The following PCDH9 variants were observed in gnomAD, a reference collection of about 807,000 sequenced individuals.
The protein encoded by PCDH9 is protocadherin-9.
Under a neutral mutation model 70.6 loss-of-function variants are expected in PCDH9, and 24 were observed. The ratio of observed to expected loss-of-function variants is 0.34; its 90% CI spans 0.25 to 0.48. PCDH9 has a LOEUF of 0.48. Ranked by LOEUF, PCDH9 falls within the 20% of genes least tolerant of loss-of-function variation. The pLI is 0.99. For synonymous variants in PCDH9, 562 were observed against 558.5 expected, an observed-to-expected ratio of 1.01 and a Z score of -0.09; for missense variants, 1,281 against 1,503.6, an observed-to-expected ratio of 0.85 and a Z score of 2.45.
At chr13:66,395,261 A>G (rs1957082775) in intron 4 of PCDH9, among the ~76,000 whole-genome samples, 1 of 152,208 alleles carries the variant, frequency 6.6e-6, no homozygotes, top group Non-Finnish European at 1.5e-5. Context: ...ACATTCAAAA[A>G]TCTTCTGCTC....
In PCDH9 at chr13:67,067,814, A is replaced by G. The variant is rs549645816; in HGVS notation, c.3036+157591T>C. Among the ~76,000 whole-genome samples the G allele has an allele frequency of 3.4e-4, 52 of 152,104 alleles. 1 individual carries two copies. The South Asian group carries it at 0.01, about 30-fold the overall frequency. On this transcript the variant is annotated intron_variant, in intron 2 of 4. Transcript: ENST00000377865. ...AGTTTCATCCAAGATATACTAAAAC[A>G]TTAAAGATTGAAAACTAGTTTGGTA...
At chr13:66,602,476 T>C (rs1222671152) in intron 4 of PCDH9, among the ~76,000 whole-genome samples, 4 of 145,650 alleles carry the variant, frequency 2.7e-5, no homozygotes, top group Non-Finnish European at 4.6e-5. Context: ...GCTTGTGTCT[T>C]AGTTTTTAAC....
At chr13:66,882,348 T>C (rs991621996) in intron 3 of PCDH9, among the ~76,000 whole-genome samples, 8 of 152,170 alleles carry the variant, frequency 5.3e-5, no homozygotes, top group African/African-American at 1.9e-4. Flanking sequence ...TCCTCTCCAA[T>C]GCCAGGCAAA....
chr13:66,752,307 T>C (rs1342539969), intron 3 of PCDH9, among the ~76,000 whole-genome samples: 1 of 152,220 alleles, frequency 6.6e-6, no homozygotes, highest in Non-Finnish European at 1.5e-5. Context: ...AAACTATTGC[T>C]TTATTTTATT....
intron 2 of PCDH9, among the ~76,000 whole-genome samples, chr13:67,124,811 C>T (rs1381559389): frequency 6.6e-6 from 1 of 152,140 alleles, no homozygotes; most frequent in Non-Finnish European, 1.5e-5. Context: ...TACAATGAAT[C>T]AGGAGTGAGA....
rs192239113 is a variant in PCDH9 at position 66,983,195 on chromosome 13, C to G, written c.3037-79590G>C. On this transcript the variant is annotated intron_variant, in intron 2 of 4. Coordinates refer to ENST00000377865, the MANE Select transcript of PCDH9 (RefSeq NM_203487.3). Reference sequence around the variant, plus strand: ...GTTTACCTATGTAAAAAAACCTGCACGTCCTGCACGTGTACCCCAGAACTT... The same window carrying G: ...GTTTACCTATGTAAAAAAACCTGCAGGTCCTGCACGTGTACCCCAGAACTT... Among the ~76,000 whole-genome samples the G allele has an allele frequency of 2.6e-5, 4 of 152,098 alleles. 1 individual carries two copies. Among genetic ancestry groups the G allele is most frequent in the Admixed American group, 2.6e-4 (4 of 15,278 alleles).
At chr13:66,581,433 T>A (rs1182513013) in intron 4 of PCDH9, among the ~76,000 whole-genome samples, 2 of 152,086 alleles carry the variant, frequency 1.3e-5, no homozygotes, top group Admixed American at 6.5e-5. Flanking sequence ...CTGTTGTGCG[T>A]TTTTTGTCTC....
chr13:66,740,399 A>G (rs1432810932), intron 3 of PCDH9, among the ~76,000 whole-genome samples: 1 of 101,148 alleles, frequency 9.9e-6, no homozygotes, highest in Non-Finnish European at 2.1e-5. Context: ...GAAAGATCCA[A>G]AATTGACACC....
At chr13:66,402,517 T>C (rs1593919553) in intron 4 of PCDH9, among the ~76,000 whole-genome samples, 1 of 152,116 alleles carries the variant, frequency 6.6e-6, no homozygotes, top group East Asian at 1.9e-4. Context: ...CTTCCTAATA[T>C]AAGATTTTAA....
intron 2 of PCDH9, among the ~76,000 whole-genome samples, chr13:67,043,962 G>A (rs559295593): frequency 2.6e-5 from 4 of 152,178 alleles, no homozygotes; most frequent in South Asian, 2.1e-4. Flanking sequence ...CCTGGTCATT[G>A]CAGACCACTC....
At chr13:66,810,838 C>CAT (rs1054382990) in intron 3 of PCDH9, among the ~76,000 whole-genome samples, 5 of 151,510 alleles carry the variant, frequency 3.3e-5, no homozygotes, top group East Asian at 1.9e-4. Context: ...TGTGTGTGTA[C>CAT]ATATATATAT....
At chr13:66,501,000 C>G (rs1355743155) in intron 4 of PCDH9, among the ~76,000 whole-genome samples, 1 of 151,950 alleles carries the variant, frequency 6.6e-6, no homozygotes, top group Non-Finnish European at 1.5e-5. Flanking sequence ...CATCCAAGAA[C>G]TTTATTAGGT....
intron 4 of PCDH9, among the ~76,000 whole-genome samples, chr13:66,396,235 A>G (rs1187468447): frequency 6.6e-6 from 1 of 152,184 alleles, no homozygotes; most frequent in South Asian, 2.1e-4. Flanking sequence ...TTAGGAGGGC[A>G]TTTGGGGAAG....
intron 2 of PCDH9, among the ~76,000 whole-genome samples, chr13:66,979,446 T>C (rs2083692591): frequency 6.6e-6 from 1 of 152,180 alleles, no homozygotes; most frequent in Non-Finnish European, 1.5e-5. Flanking sequence ...GATATCTGTC[T>C]TCCTATTAAA....
Position 66,869,914 on chromosome 13 carries a change from G to A in PCDH9, c.3138+33590C>T, listed in dbSNP as rs115180762. Among the ~76,000 whole-genome samples the A allele has an allele frequency of 5.3e-3, 807 of 152,274 alleles. 7 individuals are homozygous for A. Among genetic ancestry groups the A allele is most frequent in the African/African-American group, 0.018 (758 of 41,574 alleles). ...GTGAAGGTAAGAATGAGTCCACAGA[G>A]AGCAATCAAAATCAAAGTCTTACTT... On this transcript the variant is annotated intron_variant, in intron 3 of 4. Coordinates refer to ENST00000377865, the MANE Select transcript of PCDH9 (RefSeq NM_203487.3).
At chr13:67,178,360 T>A (rs998938476) in intron 2 of PCDH9, among the ~76,000 whole-genome samples, 3 of 152,096 alleles carry the variant, frequency 2.0e-5, no homozygotes, top group Non-Finnish European at 4.4e-5. Flanking sequence ...TAAGGGTCAA[T>A]AATATATTGG....
At chr13:66,452,316 A>G (rs772312817) in intron 4 of PCDH9, among the ~76,000 whole-genome samples, 4 of 152,142 alleles carry the variant, frequency 2.6e-5, no homozygotes, top group Non-Finnish European at 5.9e-5. Context: ...ATTATGCTCA[A>G]TAGATCCAAA....
intron 3 of PCDH9, among the ~76,000 whole-genome samples, chr13:66,761,312 T>C (rs2079623562): frequency 1.3e-5 from 2 of 152,082 alleles, no homozygotes; most frequent in Non-Finnish European, 2.9e-5. Flanking sequence ...TTAGGGAAAA[T>C]AGACAAGAAA....
intron 2 of PCDH9, among the ~76,000 whole-genome samples, chr13:67,044,961 C>T (rs1417974258): frequency 6.6e-6 from 1 of 152,030 alleles, no homozygotes; most frequent in Non-Finnish European, 1.5e-5. Flanking sequence ...TTCCAGATAT[C>T]AGGTGAAGCA....
Sources: gnomAD v4.1 joint callset for allele counts (sites outside exome capture counted in the v4.1 genomes callset) on GRCh38, gnomAD v4.1.1 for gene constraint, MANE v1.5 for transcripts, NCBI Gene and HGNC (gene_info 2026-07-23, HGNC 2026-07-21) for gene names.